SCUBE1: variants seen among roughly 807,000 people sequenced by gnomAD.
SCUBE1 encodes signal peptide, CUB domain and EGF like domain containing 1.
In SCUBE1, 59 loss-of-function variants were observed where a neutral mutation model predicts 124.4. That is an observed-to-expected ratio of 0.47 (90% CI 0.38 to 0.59). SCUBE1 has a LOEUF of 0.59. SCUBE1 is among the 20% of genes least tolerant of loss of function. SCUBE1 has a pLI of 0.00. For missense variants in SCUBE1, 1,150 were observed against 1,371.2 expected (o/e 0.84, Z 2.55); for synonymous variants, 545 against 550.9 (o/e 0.99, Z 0.15).
chr22:43,275,727 C>G (rs1924480766), intron 4 of SCUBE1, among the ~76,000 whole-genome samples: 1 of 152,218 alleles, frequency 6.6e-6, no homozygotes, highest in Non-Finnish European at 1.5e-5. Flanking sequence ...GAGGATGACA[C>G]ATACCGAGGT....
chr22:43,247,210 C>T lies in SCUBE1; in HGVS notation c.728-8256G>A, dbSNP rs145040860. The stretch of plus-strand genomic sequence containing the variant: ...ATGGAAAGTGGCTGAGCACCTGCTA[C>T]GGGCCACACACAGGGCCAGGTGCAG... On this transcript the variant is annotated intron_variant, in intron 6 of 21. Coordinates refer to ENST00000360835, the MANE Select transcript of SCUBE1 (RefSeq NM_173050.5). Among the ~76,000 whole-genome samples the T allele has an allele frequency of 5.5e-3, 841 of 152,296 alleles. 8 individuals are homozygous for T. The highest frequency in any genetic ancestry group is 0.02 in the African/African-American group (811 of 41,554).
rs1325388674 is a variant in SCUBE1 at position 43,255,593 on chromosome 22, G to C, written c.727+2626C>G. 2.6e-6 allele frequency: 4 copies of C among 1,547,982 alleles called. No homozygotes were observed. In the East Asian group the frequency reaches 9.8e-5, roughly 38 times the overall value. ...TCATCCTTCTCTAAAACACAAGTAAGGGACAAACACGGAGCCAGTGGTTAA... is the reference window on the plus strand; with the variant it reads ...TCATCCTTCTCTAAAACACAAGTAACGGACAAACACGGAGCCAGTGGTTAA... On this transcript the variant is annotated intron_variant, in intron 6 of 21. Coordinates refer to ENST00000360835, the MANE Select transcript of SCUBE1 (RefSeq NM_173050.5). This position sits in a 1 kb window ranked among gnomAD's most constrained non-coding sequence, Gnocchi z 4.7.
At chr22:43,241,850 G>A (rs1923017527) in intron 6 of SCUBE1, among the ~76,000 whole-genome samples, 2 of 152,240 alleles carry the variant, frequency 1.3e-5, no homozygotes, top group Admixed American at 1.3e-4. Flanking sequence ...CTGGGAGCCA[G>A]CAGTCCCCGG....
In SCUBE1 at chr22:43,210,477, GCTT is replaced by G. The variant is rs1464975522; in HGVS notation, c.2384-240_2384-238del. Among the ~76,000 whole-genome samples, 1 of 152,062 alleles carries G rather than the reference GCTT, an allele frequency of 6.6e-6. No individual in the cohort carries two copies. The highest frequency in any genetic ancestry group is 1.5e-5 in the Non-Finnish European group (1 of 68,020). On this transcript the variant is annotated intron_variant, in intron 18 of 21. Coordinates refer to ENST00000360835, the MANE Select transcript of SCUBE1 (RefSeq NM_173050.5). The surrounding 1 kb of genome is among the most constrained non-coding windows in gnomAD (Gnocchi z 4.5). ...TGGTTCCCTGAGGCCCAGCCTGGGG[GCTT>G]CTTCTTACTGGGCTGCCATGCCTGC...
chr22:43,338,135 C>T (rs1382239756), intron 2 of SCUBE1, among the ~76,000 whole-genome samples: 1 of 152,200 alleles, frequency 6.6e-6, no homozygotes, highest in Non-Finnish European at 1.5e-5. Context: ...CTGCCCCAGA[C>T]CCATGGGGTG....
intron 14 of SCUBE1, among the ~76,000 whole-genome samples, chr22:43,219,865 C>T (rs925468205): frequency 7.9e-5 from 12 of 152,162 alleles, no homozygotes; most frequent in African/African-American, 2.9e-4. Context: ...GAGAGTCCCA[C>T]CTGGCAATGG....
chr22:43,317,409 C>T (rs1340155502), intron 3 of SCUBE1, among the ~76,000 whole-genome samples: 2 of 152,218 alleles, frequency 1.3e-5, no homozygotes, highest in African/African-American at 2.4e-5. Context: ...CAGTTCTCGG[C>T]TGCTGAGAGT....
chr22:43,279,248 T>C (rs551984231), intron 4 of SCUBE1, among the ~76,000 whole-genome samples: 1 of 152,300 alleles, frequency 6.6e-6, no homozygotes, highest in East Asian at 1.9e-4. Flanking sequence ...CCCCAGCCAG[T>C]CCTGAGACAG....
intron 2 of SCUBE1, 70 bp downstream of exon 2, chr22:43,339,034 G>A (rs1374625618): frequency 6.4e-7 from 1 of 1,572,066 alleles, no homozygotes; most frequent in East Asian, 2.3e-5. Flanking sequence ...GATGAATGGG[G>A]CAGGCATCGG....
intron 4 of SCUBE1, among the ~76,000 whole-genome samples, chr22:43,263,314 A>G (rs1923942344): frequency 1.3e-5 from 2 of 151,760 alleles, no homozygotes; most frequent in Non-Finnish European, 2.9e-5. Context: ...ACCTCAGTTG[A>G]TGTTTATCTT....
At chr22:43,326,862 C>A (rs1487527560) in intron 2 of SCUBE1, among the ~76,000 whole-genome samples, 3 of 152,142 alleles carry the variant, frequency 2.0e-5, no homozygotes, top group East Asian at 3.9e-4. Context: ...CATCTACTCA[C>A]CTCTGCATCC....
chr22:43,322,171 G>A (rs1160827541), intron 2 of SCUBE1, among the ~76,000 whole-genome samples: 1 of 152,096 alleles, frequency 6.6e-6, no homozygotes, highest in Non-Finnish European at 1.5e-5. Flanking sequence ...TTTTAATAGA[G>A]ATGGGGTTTC....
At position 43,218,471 on chromosome 22, in the gene SCUBE1, G is replaced by A. The variant is rs753239591; in HGVS notation, c.1688-13C>T. Reference sequence around the variant, plus strand: ...GCTTCGCATGTGTCTGCAGGGGCAGGAGAGACAGAACATGAATCGCTGGCA... The same window carrying A: ...GCTTCGCATGTGTCTGCAGGGGCAGAAGAGACAGAACATGAATCGCTGGCA... On this transcript the variant is annotated splice_polypyrimidine_tract_variant and intron_variant, in intron 14 of 21. Transcript: ENST00000360835. The A allele has an allele frequency of 6.2e-7, 1 of 1,606,904 alleles. No homozygotes were observed. Among genetic ancestry groups the A allele is most frequent in the African/African-American group, 1.3e-5 (1 of 75,042 alleles).
intron 8 of SCUBE1, among the ~76,000 whole-genome samples, 161 bp downstream of exon 8, chr22:43,231,592 G>C (rs1922553961): frequency 6.6e-6 from 1 of 152,180 alleles, no homozygotes; most frequent in African/African-American, 2.4e-5. Context: ...AAAAGGAACA[G>C]ATTGGACTGG....
At chr22:43,318,786 A>G (rs772026169) in intron 3 of SCUBE1, among the ~76,000 whole-genome samples, 1 of 151,978 alleles carries the variant, frequency 6.6e-6, no homozygotes, top group Non-Finnish European at 1.5e-5. Context: ...CTGGAGTGCA[A>G]TGGTGTGATC....
At chr22:43,335,832 GTGA>G (rs748849207) in intron 2 of SCUBE1, among the ~76,000 whole-genome samples, 1,840 of 112,558 alleles carry the variant, frequency 0.016, 38 homozygotes, top group African/African-American at 0.06. Flanking sequence ...GATGATGATG[GTGA>G]TGATGATAAT....
At chr22:43,261,884 G>A (rs1672986791) in intron 5 of SCUBE1, among the ~76,000 whole-genome samples, 1 of 152,190 alleles carries the variant, frequency 6.6e-6, no homozygotes, top group Non-Finnish European at 1.5e-5. Context: ...CCCACGAGGA[G>A]AGGCCCACCC....
Position 43,211,171 on chromosome 22 carries a change from C to A in SCUBE1, c.2222-88G>T, listed in dbSNP as rs1921535615. The A allele has an allele frequency of 7.3e-7, 1 of 1,370,156 alleles. No individual in the cohort carries two copies. Among genetic ancestry groups the A allele is most frequent in the Non-Finnish European group, 1.0e-6 (1 of 996,042 alleles). 84.9% of individuals were successfully genotyped at this position (1,370,156 alleles called of 1,614,324 possible). On this transcript the variant is annotated intron_variant, in intron 17 of 21. Transcript: ENST00000360835. This position sits in a 1 kb window ranked among gnomAD's most constrained non-coding sequence, Gnocchi z 4.5. ...GGTGCTGTCCCCAGGACCTCTCATGCCCTCGAGGTCTGTTTTGGCACAGAG... is the reference window on the plus strand; with the variant it reads ...GGTGCTGTCCCCAGGACCTCTCATGACCTCGAGGTCTGTTTTGGCACAGAG...
At chr22:43,333,491 G>A (rs140696184) in intron 2 of SCUBE1, among the ~76,000 whole-genome samples, 489 of 152,350 alleles carry the variant, frequency 3.2e-3, no homozygotes, top group African/African-American at 0.011. Context: ...GTGGCCTCCA[G>A]GGCTGGATTT....
Sources: allele counts gnomAD v4.1 joint callset (sites outside exome capture counted in the v4.1 genomes callset), GRCh38; gene constraint gnomAD v4.1.1; non-coding constraint Gnocchi (gnomAD v3.1); transcripts MANE v1.5; gene names NCBI Gene and HGNC (gene_info 2026-07-23, HGNC 2026-07-21).